Variants in HEMK1 observed in about 807,000 individuals in gnomAD.
HEMK1 encodes the protein MTRF1L release factor glutamine methyltransferase.
A neutral mutation model predicts 47.9 loss-of-function variants in HEMK1; 36 were observed. The ratio of observed to expected loss-of-function variants is 0.75; its 90% CI spans 0.58 to 0.99. The LOEUF is 0.99. Ranked by LOEUF, HEMK1 falls within the 50% of genes least tolerant of loss-of-function variation. HEMK1 has a pLI of 0.00. For missense variants in HEMK1, 383 were observed against 434.5 expected, an observed-to-expected ratio of 0.88 and a Z score of 1.05; for synonymous variants, 153 against 165.4, an observed-to-expected ratio of 0.93 and a Z score of 0.57.
chr3:50,577,997 C>T, intron 7 of HEMK1, 122 bp downstream of exon 7: 1 of 857,920 alleles, frequency 1.2e-6, no homozygotes, highest in Non-Finnish European at 2.0e-6. Flanking sequence ...ACACACAACA[C>T]ACACACATAC....
chr3:50,585,539 A>G lies in HEMK1; in HGVS notation c.*5122A>G, dbSNP rs1420516894. ...CCAGGGGTACTAAAGGACTCTGGAG[A>G]CACCATCCCACCCAGCCAAGGCTTG... On this transcript the variant is annotated 3_prime_UTR_variant, in exon 11 of 11. Transcript: ENST00000232854. The G allele has an allele frequency of 6.6e-6, 1 of 152,178 alleles. No homozygotes were observed. Among genetic ancestry groups the G allele is most frequent in the Non-Finnish European group, 1.5e-5 (1 of 68,056 alleles). 9.4% of individuals were successfully genotyped at this position (152,178 alleles called of 1,614,324 possible). A position where few individuals can be genotyped will look rare whatever the true frequency, so the allele number is the denominator to read the frequency against.
In HEMK1 at chr3:50,583,194, T is replaced by G. The variant is rs995549624; in HGVS notation, c.*2777T>G. 6.6e-6 allele frequency: 1 copy of G among 152,312 alleles called. No individual in the cohort carries two copies. Among genetic ancestry groups the G allele is most frequent in the African/African-American group, 2.4e-5 (1 of 41,466 alleles). 9.4% of individuals were successfully genotyped at this position (152,312 alleles called of 1,614,324 possible). A position where few individuals can be genotyped will look rare whatever the true frequency, so the allele number is the denominator to read the frequency against. On this transcript the variant is annotated 3_prime_UTR_variant, in exon 11 of 11. Coordinates refer to ENST00000232854, the MANE Select transcript of HEMK1 (RefSeq NM_016173.5). ...CTCCTCTTCTGATAGTTGGGGAAACTGAGGCCTTGTCTCACAGTTGGATGC... is the reference window on the plus strand; with the variant it reads ...CTCCTCTTCTGATAGTTGGGGAAACGGAGGCCTTGTCTCACAGTTGGATGC...
rs2030661105 is a variant in HEMK1 at position 50,580,513 on chromosome 3, C to T, written c.*96C>T. The T allele has an allele frequency of 2.4e-6, 3 of 1,265,172 alleles. No individual in the cohort carries two copies. The highest frequency in any genetic ancestry group is 3.8e-5 in the Admixed American group (2 of 52,356). 78.4% of individuals were successfully genotyped at this position (1,265,172 alleles called of 1,614,324 possible). On this transcript the variant is annotated 3_prime_UTR_variant, in exon 11 of 11. Transcript: ENST00000232854. The stretch of plus-strand genomic sequence containing the variant: ...GAGCCCAGGTTCTTATGGCATTTCC[C>T]AGGGTTCTGTGATTTCCCCATGCTC...
chr3:50,585,364 T>C lies in HEMK1; in HGVS notation c.*4947T>C, dbSNP rs1297733520. ...GGGCCTGGCCCCTCCATGTAAGCCA[T>C]AGGCCTGAGCAGAGCTGTGTCACCA... On this transcript the variant is annotated 3_prime_UTR_variant, in exon 11 of 11. Transcript: ENST00000232854. The C allele has an allele frequency of 6.6e-6, 1 of 152,302 alleles. No homozygotes were observed. The highest frequency in any genetic ancestry group is 2.4e-5 in the African/African-American group (1 of 41,468). The allele number at this position is 152,302 out of a possible 1,614,324, so 9.4% of individuals were successfully genotyped here.
At chr3:50,570,771 G>C (rs985374214) in intron 1 of HEMK1, 160 bp from the exon 2 acceptor site, 1 of 218,482 alleles carries the variant, frequency 4.6e-6, no homozygotes, top group Non-Finnish European at 9.0e-6. Flanking sequence ...TGAAGAAAAC[G>C]TAAGTGGCCA....
chr3:50,572,040 T>C, intron 3 of HEMK1, 75 bp from the exon 4 acceptor site: 4 of 1,597,622 alleles, frequency 2.5e-6, no homozygotes, highest in Non-Finnish European at 3.4e-6. Flanking sequence ...TGGCCACAAG[T>C]GGTATCTCAA....
In HEMK1 at chr3:50,580,686, A is replaced by G. The variant is rs970360108; in HGVS notation, c.*269A>G. 2 of 538,944 alleles carry G rather than the reference A, an allele frequency of 3.7e-6. No homozygotes were observed. The highest frequency in any genetic ancestry group is 6.6e-6 in the Non-Finnish European group (2 of 302,578). 33.4% of individuals were successfully genotyped at this position (538,944 alleles called of 1,614,324 possible). On this transcript the variant is annotated 3_prime_UTR_variant, in exon 11 of 11. Transcript: ENST00000232854. ...TTGAGAGACTAACAAATGGTGACCT[A>G]ATGTTTTGTCCATGACTTGCAGGTC...
rs2107530491 is a variant in HEMK1 at position 50,586,938 on chromosome 3, G to A, written c.*6521G>A. On this transcript the variant is annotated 3_prime_UTR_variant, in exon 11 of 11. Transcript: ENST00000232854. ...ACTACAGGTGTGAACAACCCTGCCT[G>A]GCTAATTTTTAATTTTTTTTTTTTT... The A allele has an allele frequency of 6.6e-6, 1 of 151,818 alleles. No individual in the cohort carries two copies. Among genetic ancestry groups the A allele is most frequent in the Middle Eastern group, 3.4e-3 (1 of 294 alleles). 9.4% of individuals were successfully genotyped at this position (151,818 alleles called of 1,614,324 possible). A position where few individuals can be genotyped will look rare whatever the true frequency, so the allele number is the denominator to read the frequency against.
chr3:50,575,745 T>C (rs1701522904), intron 4 of HEMK1, among the ~76,000 whole-genome samples: 1 of 152,202 alleles, frequency 6.6e-6, no homozygotes, highest in South Asian at 2.1e-4. Context: ...CCAGGAGTCC[T>C]GACCCTCTGG....
At position 50,590,655 on chromosome 3, in the gene HEMK1, G is replaced by T. The variant is rs1347106820; in HGVS notation, c.*10238G>T. 6.6e-6 allele frequency: 1 copy of T among 152,132 alleles called. No individual in the cohort carries two copies. The highest frequency in any genetic ancestry group is 1.5e-5 in the Non-Finnish European group (1 of 68,050). The allele number at this position is 152,132 out of a possible 1,614,324, so 9.4% of individuals were successfully genotyped here. On this transcript the variant is annotated 3_prime_UTR_variant, in exon 11 of 11. Coordinates refer to ENST00000232854, the MANE Select transcript of HEMK1 (RefSeq NM_016173.5). ...CCACGTGACCATTCCCTTCCCGGAG[G>T]TCTGCCCCAACTGCTCCAGCCCCCA...
chr3:50,586,995 C>CT lies in HEMK1; in HGVS notation c.*6579dup, dbSNP rs1464905114. 4 of 151,804 alleles carry CT rather than the reference C, an allele frequency of 2.6e-5. No homozygotes were observed. The highest frequency in any genetic ancestry group is 3.4e-3 in the Middle Eastern group (1 of 294). The allele number at this position is 151,804 out of a possible 1,614,324, so 9.4% of individuals were successfully genotyped here. The stretch of plus-strand genomic sequence containing the variant: ...ACGGGGTCTTGCTATGTTGCCAGGG[C>CT]TGGCACATGGGGTTTTTAGTTGTCC... On this transcript the variant is annotated 3_prime_UTR_variant, in exon 11 of 11. Coordinates refer to ENST00000232854, the MANE Select transcript of HEMK1 (RefSeq NM_016173.5).
chr3:50,590,203 A>G lies in HEMK1; in HGVS notation c.*9786A>G, dbSNP rs1429565760. 6.6e-6 allele frequency: 1 copy of G among 151,940 alleles called. No individual in the cohort carries two copies. Among genetic ancestry groups the G allele is most frequent in the Non-Finnish European group, 1.5e-5 (1 of 68,056 alleles). 9.4% of individuals were successfully genotyped at this position (151,940 alleles called of 1,614,324 possible). A position where few individuals can be genotyped will look rare whatever the true frequency, so the allele number is the denominator to read the frequency against. ...CCATCTCAAAAAAAAAAATTTAAAA[A>G]TAATAATTTTAAAAAAATGTTTTAA... On this transcript the variant is annotated 3_prime_UTR_variant, in exon 11 of 11. Coordinates refer to ENST00000232854, the MANE Select transcript of HEMK1 (RefSeq NM_016173.5).
At position 50,589,978 on chromosome 3, in the gene HEMK1, G is replaced by A. The variant is rs2031635192; in HGVS notation, c.*9561G>A. 1 of 151,474 alleles carries A rather than the reference G, an allele frequency of 6.6e-6. No homozygotes were observed. Among genetic ancestry groups the A allele is most frequent in the South Asian group, 2.1e-4 (1 of 4,806 alleles). The allele number at this position is 151,474 out of a possible 1,614,324, so 9.4% of individuals were successfully genotyped here. On this transcript the variant is annotated 3_prime_UTR_variant, in exon 11 of 11. Transcript: ENST00000232854. ...TGGGAGGCCAAGGATCACAAGGTTA[G>A]GAGTTCAAGACCAGCCTGGCCAACA...
intron 7 of HEMK1, 94 bp downstream of exon 7, chr3:50,577,969 C>A: frequency 8.9e-7 from 1 of 1,119,240 alleles, no homozygotes; most frequent in South Asian, 1.2e-5. Flanking sequence ...GGAGAGCTCC[C>A]CCAACAGCCA....
chr3:50,575,910 A>AC (rs1701542521), intron 4 of HEMK1, among the ~76,000 whole-genome samples: 1 of 151,972 alleles, frequency 6.6e-6, no homozygotes, highest in African/African-American at 2.4e-5. Context: ...CTTTACCCCT[A>AC]CCCTATGTTG....
chr3:50,578,994 G>A (rs1193872498), intron 8 of HEMK1, 68 bp downstream of exon 8: 5 of 1,172,592 alleles, frequency 4.3e-6, no homozygotes, highest in East Asian at 5.0e-5. Flanking sequence ...TGCCCTCGAG[G>A]ACCACACCAT....
At chr3:50,579,016 G>A in intron 8 of HEMK1, 90 bp downstream of exon 8, 1 of 958,558 alleles carries the variant, frequency 1.0e-6, no homozygotes, top group Non-Finnish European at 1.6e-6. Flanking sequence ...TGGAGGGACA[G>A]GGGAGTTGGT....
intron 4 of HEMK1, 94 bp from the exon 5 acceptor site, chr3:50,576,958 C>T: frequency 6.7e-7 from 1 of 1,482,208 alleles, no homozygotes; most frequent in Admixed American, 2.1e-5. Flanking sequence ...CCTCCCCTTC[C>T]TACGTTCACA....
rs993865476 is a variant in HEMK1 at position 50,580,639 on chromosome 3, G to C, written c.*222G>C. 1.5e-5 allele frequency: 9 copies of C among 594,806 alleles called. No homozygotes were observed. Among genetic ancestry groups the C allele is most frequent in the Non-Finnish European group, 2.7e-5 (9 of 334,312 alleles). The allele number at this position is 594,806 out of a possible 1,614,324, so 36.8% of individuals were successfully genotyped here. A position where few individuals can be genotyped will look rare whatever the true frequency, so the allele number is the denominator to read the frequency against. On this transcript the variant is annotated 3_prime_UTR_variant, in exon 11 of 11. Coordinates refer to ENST00000232854, the MANE Select transcript of HEMK1 (RefSeq NM_016173.5). Reference sequence around the variant, plus strand: ...TTGGTGAAATTGCTGTGGGGGTATCGGGGGATATGGCCAGTAAAGTATTGA... The same window carrying C: ...TTGGTGAAATTGCTGTGGGGGTATCCGGGGATATGGCCAGTAAAGTATTGA...
Sources: allele counts gnomAD v4.1 joint callset (sites outside exome capture counted in the v4.1 genomes callset), GRCh38; gene constraint gnomAD v4.1.1; transcripts MANE v1.5; gene names NCBI Gene and HGNC (gene_info 2026-07-23, HGNC 2026-07-21).